The following ERCC1 variants were observed in gnomAD, a reference collection of about 807,000 sequenced individuals.
The protein encoded by ERCC1 is DNA excision repair protein ERCC-1.
ERCC1 carries 36 observed loss-of-function variants against 37.6 expected under a neutral mutation model. The ratio of observed to expected loss-of-function variants is 0.96; its 90% CI spans 0.73 to 1.26. ERCC1 has a LOEUF of 1.26. ERCC1 is among the 50% of genes most tolerant of loss of function. ERCC1 has a pLI of 0.00. For synonymous variants in ERCC1, 156 were observed against 162.1 expected (o/e 0.96, Z 0.28); for missense variants, 349 against 376.5 (o/e 0.93, Z 0.60).
chr19:45,449,505 A>T (rs966660212), intron 1 of ERCC1, among the ~76,000 whole-genome samples: 1 of 152,138 alleles, frequency 6.6e-6, no homozygotes, highest in African/African-American at 2.4e-5. Flanking sequence ...AAAACAAAAA[A>T]TAATAAAAAT....
chr19:45,439,099 T>A (rs1349878920), intron 1 of ERCC1, among the ~76,000 whole-genome samples: 1 of 152,034 alleles, frequency 6.6e-6, no homozygotes, highest in Non-Finnish European at 1.5e-5. Context: ...GGCAGGAGAA[T>A]TTCTTGCACC....
At chr19:45,440,535 C>G (rs1347923357) in intron 1 of ERCC1, among the ~76,000 whole-genome samples, 2 of 152,138 alleles carry the variant, frequency 1.3e-5, no homozygotes, top group Non-Finnish European at 2.9e-5. Flanking sequence ...GCATGGGACA[C>G]TTCAGTCTGG....
rs764307683 is a variant in ERCC1 at position 45,421,335 on chromosome 19, G to A, written c.164C>T (p.Ala55Val). 8.7e-6 allele frequency: 14 copies of A among 1,613,932 alleles called. No homozygotes were observed. The highest frequency in any genetic ancestry group is 5.0e-5 in the Admixed American group (3 of 60,004). ...ATATTCGGCGTAGGTCTGAGGGGCC[G>A]CCTGGGCCGAGGTGTCCACAGTGGG... ...SLPTVDTSAQ[A>V]APQTYAEYAI... The change falls in exon 3 of 10, where the codon GCG becomes GTG. Residue 55 changes from alanine to valine, a missense_variant. By Grantham distance (64) the Ala-to-Val change is moderately conservative (BLOSUM62 0). Transcript: ENST00000300853.
intron 1 of ERCC1, 26 bp downstream of exon 1, chr19:45,423,755 C>T: frequency 8.7e-7 from 1 of 1,150,280 alleles, no homozygotes; most frequent in Non-Finnish European, 1.1e-6. Context: ...GCGCCAATCT[C>T]CACCCGCAGT....
intron 5 of ERCC1, among the ~76,000 whole-genome samples, chr19:45,417,722 C>T (rs369990637): frequency 1.3e-5 from 2 of 151,972 alleles, no homozygotes; most frequent in South Asian, 2.1e-4. Context: ...TTTTTTCAGA[C>T]GGAGTCTCGC....
upstream of ERCC1, among the ~76,000 whole-genome samples, chr19:45,424,706 G>A (rs1483561230): frequency 1.3e-5 from 2 of 151,808 alleles, no homozygotes; most frequent in Non-Finnish European, 2.9e-5. Context: ...AATTTCTAGG[G>A]GTACTTTATG....
chr19:45,408,948 C>T lies in ERCC1; in HGVS notation c.*727G>A, dbSNP rs964222383. 13 of 1,613,672 alleles carry T rather than the reference C, an allele frequency of 8.1e-6. No individual in the cohort carries two copies. The highest frequency in any genetic ancestry group is 2.7e-5 in the African/African-American group (2 of 74,780). On this transcript the variant is annotated 3_prime_UTR_variant, in exon 10 of 10. Transcript: ENST00000300853. Reference sequence around the variant, plus strand: ...GAGGAAGCCATCCCTCTGCCCCCTACGAAGAAGAGGAAAAAAGAAAAGGGA... The same window carrying T: ...GAGGAAGCCATCCCTCTGCCCCCTATGAAGAAGAGGAAAAAAGAAAAGGGA...
intron 9 of ERCC1, among the ~76,000 whole-genome samples, chr19:45,412,274 T>C (rs1303457872): frequency 2.0e-5 from 3 of 152,098 alleles, no homozygotes; most frequent in Non-Finnish European, 4.4e-5. Context: ...TTCTCCTGCC[T>C]CAGCCACTCA....
intron 1 of ERCC1, among the ~76,000 whole-genome samples, chr19:45,442,492 T>A (rs771854843): frequency 2.0e-5 from 3 of 152,166 alleles, no homozygotes; most frequent in Non-Finnish European, 4.4e-5. Context: ...GCAAAGCCCA[T>A]CACAGAAATG....
At chr19:45,442,521 A>C (rs1483371892) in intron 1 of ERCC1, among the ~76,000 whole-genome samples, 6 of 152,150 alleles carry the variant, frequency 3.9e-5, no homozygotes, top group Non-Finnish European at 8.8e-5. Context: ...GGAATCATTC[A>C]GCACTCAGTG....
chr19:45,416,898 C>T lies in ERCC1; in HGVS notation c.526-1G>A, dbSNP rs750062887. On this transcript the variant is annotated splice_acceptor_variant, in intron 5 of 9. Transcript: ENST00000300853. LOFTEE classifies it high-confidence loss of function. ...CCTTGAGGGCCTGCTGGGGATCTTT[C>T]TGGAGGAGAAAATCAGAATTAGAAA... 40 of 1,611,196 alleles carry T rather than the reference C, an allele frequency of 2.5e-5. No homozygotes were observed. The highest frequency in any genetic ancestry group is 3.3e-5 in the Non-Finnish European group (39 of 1,177,722).
chr19:45,421,485 T>G, intron 2 of ERCC1, 92 bp from the exon 3 acceptor site: 2 of 905,188 alleles, frequency 2.2e-6, no homozygotes, highest in Non-Finnish European at 3.3e-6. Context: ...TCTTTTTCTT[T>G]TTTTGAGACA....
upstream of ERCC1, among the ~76,000 whole-genome samples, chr19:45,428,087 T>TTC (rs1974743631): frequency 7.2e-6 from 1 of 139,388 alleles, no homozygotes; most frequent in Non-Finnish European, 1.5e-5. Context: ...TTCTTTCTTT[T>TTC]TTTTTTTTTT....
intron 2 of ERCC1, among the ~76,000 whole-genome samples, chr19:45,422,074 G>A (rs1974471026): frequency 6.6e-6 from 1 of 151,912 alleles, no homozygotes; most frequent in African/African-American, 2.4e-5. Context: ...TTTCACCCTT[G>A]GACCACTGAA....
chr19:45,449,950 G>A (rs1967063215), intron 1 of ERCC1, among the ~76,000 whole-genome samples: 1 of 152,116 alleles, frequency 6.6e-6, no homozygotes, highest in African/African-American at 2.4e-5. Context: ...GGCAAAAAGA[G>A]CAAAACTCCA....
At chr19:45,412,167 G>T (rs542369791) in intron 9 of ERCC1, among the ~76,000 whole-genome samples, 160 of 149,934 alleles carry the variant, frequency 1.1e-3, no homozygotes, top group African/African-American at 1.2e-3. Flanking sequence ...CCTATTTTTG[G>T]TTTTTTTTGA....
At chr19:45,436,317 A>G (rs898043312) in intron 1 of ERCC1, among the ~76,000 whole-genome samples, 3 of 152,288 alleles carry the variant, frequency 2.0e-5, no homozygotes, top group Non-Finnish European at 2.9e-5. Context: ...ATTATCCCCA[A>G]TTCAGTGACT....
rs1568587024 is a variant in ERCC1, at chr19:45,421,285, C to T, written c.214G>A (p.Ala72Thr). The part of the protein sequence containing the change: ...EYAISQPLEG[A>T]GATCPTGSEP... ...GACCCTGTGGGGCACGTGGCCCCAG[C>T]CCCTTCCAGAGGCTGTGAGATGGCA... The change falls in exon 3 of 10, where the codon GCT (alanine) becomes ACT (threonine). Residue 72 changes from alanine to threonine, a missense_variant. Coordinates refer to ENST00000300853, the MANE Select transcript of ERCC1 (RefSeq NM_001983.4). 1 of 1,614,144 alleles carries T rather than the reference C, an allele frequency of 6.2e-7. No individual in the cohort carries two copies. The highest frequency in any genetic ancestry group is 8.5e-7 in the Non-Finnish European group (1 of 1,180,018).
intron 1 of ERCC1, among the ~76,000 whole-genome samples, chr19:45,447,270 C>CTTTTT (rs57063523): frequency 5.8e-5 from 6 of 102,748 alleles, no homozygotes; most frequent in Admixed American, 1.0e-4. Flanking sequence ...AGATTTGCTT[C>CTTTTT]TTTTTTTTTT....
Sources: allele counts gnomAD v4.1 joint callset (sites outside exome capture counted in the v4.1 genomes callset), GRCh38; gene constraint gnomAD v4.1.1; transcripts MANE v1.5; gene names NCBI Gene and HGNC (gene_info 2026-07-23, HGNC 2026-07-21).